COL11A1: variants seen among roughly 807,000 people sequenced by gnomAD.
COL11A1 encodes the protein collagen alpha-1(XI) chain.
A neutral mutation model predicts 265.2 loss-of-function variants in COL11A1; 74 were observed. That is an observed-to-expected ratio of 0.28 (90% confidence interval 0.23 to 0.34). The LOEUF (loss-of-function observed/expected upper bound fraction) is 0.34. COL11A1 is among the 10% of genes least tolerant of loss of function. The pLI, the probability that COL11A1 is intolerant of heterozygous loss-of-function variation, is 1.00. For synonymous variants in COL11A1, 816 were observed against 727.6 expected, an observed-to-expected ratio of 1.12 and a Z score of -1.96; for missense variants, 2,165 against 2,263.6, an observed-to-expected ratio of 0.96 and a Z score of 0.88.
chr1:103,035,807 A>G (rs1668322934), intron 4 of COL11A1, among the ~76,000 whole-genome samples: 3 of 149,578 alleles, frequency 2.0e-5, no homozygotes, highest in African/African-American at 7.4e-5. Context: ...CTGATAATAA[A>G]ATTAGTTTCT....
intron 4 of COL11A1, among the ~76,000 whole-genome samples, chr1:103,040,034 C>T (rs1212710108): frequency 6.6e-6 from 1 of 151,884 alleles, no homozygotes; most frequent in Non-Finnish European, 1.5e-5. Flanking sequence ...ATCATTCCAA[C>T]TACAAATAAA....
At chr1:102,951,580 C>CA (rs1328864436) in intron 41 of COL11A1, among the ~76,000 whole-genome samples, 1 of 151,530 alleles carries the variant, frequency 6.6e-6, no homozygotes, top group Non-Finnish European at 1.5e-5. Context: ...ACTAAAAACA[C>CA]AAAAAATTAG....
At chr1:102,981,798 T>A (rs1446644904) in intron 31 of COL11A1, among the ~76,000 whole-genome samples, 2 of 152,018 alleles carry the variant, frequency 1.3e-5, no homozygotes, top group Admixed American at 6.6e-5. Flanking sequence ...GTATCCTACC[T>A]TAAAATAGAT....
intron 1 of COL11A1, among the ~76,000 whole-genome samples, chr1:103,096,266 GT>G (rs1673756908): frequency 6.6e-6 from 1 of 151,986 alleles, no homozygotes; most frequent in South Asian, 2.1e-4. Flanking sequence ...GATATAAAAT[GT>G]TGCTTTCTTA....
At chr1:103,079,940 C>T (rs1253747975) in intron 2 of COL11A1, among the ~76,000 whole-genome samples, 1 of 151,848 alleles carries the variant, frequency 6.6e-6, no homozygotes, top group Non-Finnish European at 1.5e-5. Flanking sequence ...TGTAGGAGAT[C>T]AGCAATTCTA....
At chr1:102,970,987 C>A (rs999009381) in intron 36 of COL11A1, among the ~76,000 whole-genome samples, 14 of 149,162 alleles carry the variant, frequency 9.4e-5, no homozygotes, top group African/African-American at 3.5e-4. Flanking sequence ...GCACTCCGAG[C>A]GAGACCGTCT....
At chr1:102,954,849 TAAA>T (rs144235911) in intron 41 of COL11A1, among the ~76,000 whole-genome samples, 9,531 of 139,790 alleles carry the variant, frequency 0.068, 586 homozygotes, top group African/African-American at 0.18. Context: ...CCTCTTGAAA[TAAA>T]AAAAAAAAAA....
At chr1:103,098,845 C>A (rs1490575482) in intron 1 of COL11A1, among the ~76,000 whole-genome samples, 1 of 151,700 alleles carries the variant, frequency 6.6e-6, no homozygotes, top group Admixed American at 6.6e-5. Context: ...TCAGAAATAA[C>A]AAAGTGGGAG....
intron 46 of COL11A1, among the ~76,000 whole-genome samples, chr1:102,933,309 C>T (rs1570776139): frequency 7.9e-6 from 1 of 126,100 alleles, no homozygotes; most frequent in African/African-American, 2.9e-5. Context: ...TTCCTTCTAA[C>T]AGACAGGACC....
chr1:102,890,215 G>A (rs1280392006), intron 58 of COL11A1, among the ~76,000 whole-genome samples: 2 of 152,014 alleles, frequency 1.3e-5, no homozygotes, highest in South Asian at 2.1e-4. Flanking sequence ...TTCTACATAT[G>A]GTTGCTATAA....
Position 103,036,534 on chromosome 1 carries a change from T to A in COL11A1, c.652-5290A>T, listed in dbSNP as rs529453858. 1.8e-4 allele frequency among the ~76,000 whole-genome samples: 27 copies of A among 151,546 alleles called. No individual in the cohort carries two copies. The South Asian group carries it at 5.2e-3, about 29-fold the overall frequency. On this transcript the variant is annotated intron_variant, in intron 4 of 66. Transcript: ENST00000370096. ...ATCCTGCCAACTTTTCCAATATAAATTCTTATTTCAGGTGTTTAATAGTCA... is the reference window on the plus strand; with the variant it reads ...ATCCTGCCAACTTTTCCAATATAAAATCTTATTTCAGGTGTTTAATAGTCA...
At chr1:103,035,379 G>A (rs1341586308) in intron 4 of COL11A1, among the ~76,000 whole-genome samples, 2 of 151,938 alleles carry the variant, frequency 1.3e-5, no homozygotes, top group Non-Finnish European at 2.9e-5. Context: ...CCACAAAAAT[G>A]AGCAACATTA....
At chr1:103,093,728 G>C (rs770880221) in intron 1 of COL11A1, among the ~76,000 whole-genome samples, 8 of 152,064 alleles carry the variant, frequency 5.3e-5, no homozygotes, top group Admixed American at 6.6e-5. Flanking sequence ...GTAATAAACC[G>C]CCTTTTAAAG....
At chr1:102,975,803 T>G (rs1662411034) in intron 35 of COL11A1, among the ~76,000 whole-genome samples, 1 of 152,120 alleles carries the variant, frequency 6.6e-6, no homozygotes, top group South Asian at 2.1e-4. Context: ...AAGTTGGCCT[T>G]CAATAGAATT....
At chr1:103,048,897 A>G (rs1337234072) in intron 4 of COL11A1, among the ~76,000 whole-genome samples, 1 of 152,092 alleles carries the variant, frequency 6.6e-6, no homozygotes, top group Non-Finnish European at 1.5e-5. Flanking sequence ...GTTTCCATGT[A>G]GTTGAGCGGT....
At chr1:103,012,269 AT>A (rs35117641) in intron 14 of COL11A1, 143 bp downstream of exon 14, 2 of 655,606 alleles carry the variant, frequency 3.1e-6, no homozygotes, top group South Asian at 2.0e-5. Context: ...ATTGAGAAGG[AT>A]TTTTTTAATG....
At chr1:102,890,834 CTCAAACATT>C (rs1175917741) in intron 57 of COL11A1, among the ~76,000 whole-genome samples, 1 of 151,924 alleles carries the variant, frequency 6.6e-6, no homozygotes, top group Non-Finnish European at 1.5e-5. Context: ...TATCCAGTTA[CTCAAACATT>C]TTTATGTTAC....
chr1:102,995,566 C>T (rs567424744), intron 28 of COL11A1, among the ~76,000 whole-genome samples: 139 of 151,006 alleles, frequency 9.2e-4, no homozygotes, highest in African/African-American at 2.8e-3. Flanking sequence ...CAAATCCATT[C>T]GTAAGGCCAA....
chr1:103,048,307 C>G (rs564364765), intron 4 of COL11A1, among the ~76,000 whole-genome samples: 49 of 152,248 alleles, frequency 3.2e-4, no homozygotes, highest in African/African-American at 1.2e-3. Context: ...TTCAGAGATT[C>G]AACTTCTTCC....
Sources: gnomAD v4.1 joint callset for allele counts (sites outside exome capture counted in the v4.1 genomes callset) on GRCh38, gnomAD v4.1.1 for gene constraint, MANE v1.5 for transcripts, NCBI Gene and HGNC (gene_info 2026-07-23, HGNC 2026-07-21) for gene names.